Variants in TTC6 observed in about 807,000 individuals in gnomAD.
TTC6 encodes the protein tetratricopeptide repeat domain 6.
Under a neutral mutation model 210.4 loss-of-function variants are expected in TTC6, and 172 were observed. That is an observed-to-expected ratio of 0.82 (90% CI 0.72 to 0.93). The LOEUF (loss-of-function observed/expected upper bound fraction) is 0.93. Ranked by LOEUF, TTC6 falls within the 40% of genes least tolerant of loss-of-function variation. The probability of loss-of-function intolerance (pLI) is 0.00; values close to 1 mark genes in which losing one functional copy is unlikely to be tolerated. For missense variants in TTC6, 2,414 were observed against 2,318.1 expected (o/e 1.04, Z -0.85); for synonymous variants, 804 against 819.6 (o/e 0.98, Z 0.32).
chr14:37,696,698 A>G lies in TTC6; in HGVS notation c.1258-19A>G. The G allele has an allele frequency of 7.7e-7, 1 of 1,294,752 alleles. No individual in the cohort carries two copies. Among genetic ancestry groups the G allele is most frequent in the Non-Finnish European group, 1.0e-6 (1 of 973,248 alleles). The allele number at this position is 1,294,752 out of a possible 1,614,324, so 80.2% of individuals were successfully genotyped here. ...ATGTTACATCTTCTCTTAACAGCAC[A>G]CTTTATATTTTCTTAAAGGCAAAAT... On this transcript the variant is annotated intron_variant, in intron 3 of 30. Transcript: ENST00000553443.
chr14:37,680,022 G>A, intron 1 of TTC6, 129 bp from the exon 4 acceptor site: 1 of 583,594 alleles, frequency 1.7e-6, no homozygotes, highest in Non-Finnish European at 3.0e-6. Context: ...TTTACCATGT[G>A]TTATTGACTA....
intron 29 of TTC6, among the ~76,000 whole-genome samples, chr14:37,838,666 CT>C (rs1181442585): frequency 2.0e-5 from 3 of 151,994 alleles, no homozygotes; most frequent in Admixed American, 6.6e-5. Context: ...TTTCTTTCTT[CT>C]TTTTTTTCTT....
chr14:37,769,801 C>T (rs887794654), intron 14 of TTC6, among the ~76,000 whole-genome samples: 28 of 152,084 alleles, frequency 1.8e-4, no homozygotes, highest in Admixed American at 1.8e-3. Context: ...TCTCTATTTC[C>T]TTCAGTTCTG....
intron 28 of TTC6, 115 bp from the exon 31 acceptor site, chr14:37,827,081 A>T: frequency 1.3e-6 from 1 of 793,214 alleles, no homozygotes. Context: ...TTTTACATGC[A>T]CTATAAAATT....
intron 29 of TTC6, among the ~76,000 whole-genome samples, chr14:37,840,599 A>G (rs11156972): frequency 0.37 from 55,699 of 152,060 alleles, 10,830 homozygotes; most frequent in East Asian, 0.53. Flanking sequence ...ACAATCCTCA[A>G]TAAAATACTG....
chr14:37,680,331 T>TTA, intron 2 of TTC6, 70 bp downstream of exon 4: 1 of 1,020,780 alleles, frequency 9.8e-7, no homozygotes, highest in African/African-American at 1.6e-5. Flanking sequence ...GCTTGAATGT[T>TTA]TATATAGAGA....
intron 3 of TTC6, among the ~76,000 whole-genome samples, chr14:37,690,172 A>G (rs983900361): frequency 1.3e-5 from 2 of 152,136 alleles, no homozygotes; most frequent in African/African-American, 2.4e-5. Context: ...ATAATGGACT[A>G]TAAGACAGTA....
intron 1 of TTC6, among the ~76,000 whole-genome samples, chr14:37,638,364 C>G (rs1452461404): frequency 6.6e-6 from 1 of 152,004 alleles, no homozygotes; most frequent in Admixed American, 6.6e-5. Flanking sequence ...ACGAGGTTTT[C>G]CTGCCTCAGC....
At chr14:37,823,630 A>AT (rs1183607086) in intron 26 of TTC6, 117 bp from the exon 29 acceptor site, 10 of 928,446 alleles carry the variant, frequency 1.1e-5, no homozygotes, top group South Asian at 1.7e-5. Flanking sequence ...AGAAATGGAG[A>AT]TTTTTTAATG....
chr14:37,605,641 G>A (rs2095623775), intron 1 of TTC6, among the ~76,000 whole-genome samples: 1 of 152,130 alleles, frequency 6.6e-6, no homozygotes, highest in Non-Finnish European at 1.5e-5. Flanking sequence ...ACATACAACA[G>A]TCTTACATAT....
At chr14:37,612,784 G>A (rs1032847336) in intron 2 of TTC6, among the ~76,000 whole-genome samples, 1 of 152,074 alleles carries the variant, frequency 6.6e-6, no homozygotes, top group Non-Finnish European at 1.5e-5. Flanking sequence ...TTTTCCAGTT[G>A]CTTGCTGCTA....
chr14:37,646,657 A>C (rs547461925), intron 1 of TTC6, among the ~76,000 whole-genome samples: 1 of 152,292 alleles, frequency 6.6e-6, no homozygotes, highest in East Asian at 1.9e-4. Context: ...AACCTCACTA[A>C]TGCAGTATTC....
At chr14:37,773,634 G>A (rs950299704) in intron 14 of TTC6, among the ~76,000 whole-genome samples, 3 of 152,070 alleles carry the variant, frequency 2.0e-5, no homozygotes, top group East Asian at 1.9e-4. Flanking sequence ...TTTTGTACCA[G>A]TACCATGCTG....
intron 26 of TTC6, among the ~76,000 whole-genome samples, chr14:37,820,569 C>G (rs1370718594): frequency 6.6e-6 from 1 of 152,102 alleles, no homozygotes; most frequent in African/African-American, 2.4e-5. Context: ...TTTAATTTCA[C>G]TGGGTAAGAG....
chr14:37,787,229 A>C (rs905952883), intron 14 of TTC6, among the ~76,000 whole-genome samples: 1 of 152,246 alleles, frequency 6.6e-6, no homozygotes, highest in Non-Finnish European at 1.5e-5. Context: ...ATTAGTAAGC[A>C]TATAATTAAT....
intron 1 of TTC6, among the ~76,000 whole-genome samples, chr14:37,670,504 T>G (rs1196677875): frequency 6.9e-6 from 1 of 144,054 alleles, no homozygotes; most frequent in Non-Finnish European, 1.5e-5. Context: ...TTAGTCTCCC[T>G]CTGTTGTCGA....
chr14:37,736,049 C>T (rs2095900769), intron 8 of TTC6, 39 bp downstream of exon 10: 1 of 1,044,980 alleles, frequency 9.6e-7, no homozygotes, highest in Admixed American at 2.1e-5. Context: ...ATTGTTTACT[C>T]TATCTGCCTA....
At chr14:37,698,423 A>C (rs1018025270) in intron 4 of TTC6, among the ~76,000 whole-genome samples, 2 of 152,202 alleles carry the variant, frequency 1.3e-5, no homozygotes, top group African/African-American at 4.8e-5. Flanking sequence ...TCTCAAACAC[A>C]TTCCACTAGC....
chr14:37,612,942 C>T (rs2095636980), intron 2 of TTC6, among the ~76,000 whole-genome samples: 2 of 152,130 alleles, frequency 1.3e-5, no homozygotes, highest in Non-Finnish European at 1.5e-5. Flanking sequence ...GACGCTTTAA[C>T]CTTTTCCTTT....
Sources: allele counts gnomAD v4.1 joint callset (sites outside exome capture counted in the v4.1 genomes callset), GRCh38; gene constraint gnomAD v4.1.1; transcripts MANE v1.5; gene names NCBI Gene and HGNC (gene_info 2026-07-23, HGNC 2026-07-21).